The following AKAP13 variants were observed in gnomAD, a reference collection of about 807,000 sequenced individuals.
AKAP13 encodes the protein A-kinase anchor protein 13.
A neutral mutation model predicts 264.5 loss-of-function variants in AKAP13; 80 were observed. That is an observed-to-expected ratio of 0.30 (90% CI 0.25 to 0.36). The LOEUF (loss-of-function observed/expected upper bound fraction) is 0.36, where lower values mean the gene tolerates loss of function less well. Ranked by LOEUF, AKAP13 falls within the 10% of genes least tolerant of loss-of-function variation. The pLI is 1.00. For synonymous variants in AKAP13, 1,380 were observed against 1,250.2 expected (o/e 1.10, Z -2.19); for missense variants, 3,712 against 3,435.2 (o/e 1.08, Z -2.01).
At chr15:85,451,367 T>C (rs1489565821) in intron 1 of AKAP13, among the ~76,000 whole-genome samples, 1 of 152,212 alleles carries the variant, frequency 6.6e-6, no homozygotes, top group Non-Finnish European at 1.5e-5. Flanking sequence ...TTAGCCTGTT[T>C]ACATTCAAGA....
At chr15:85,631,500 T>TCACACACACACACACACA (rs1189326372) in intron 8 of AKAP13, among the ~76,000 whole-genome samples, 1 of 80,158 alleles carries the variant, frequency 1.2e-5, no homozygotes, top group Admixed American at 1.3e-4. Flanking sequence ...TCTCTCTCTC[T>TCACACACACACACACACA]CTCACACACA....
intron 8 of AKAP13, among the ~76,000 whole-genome samples, chr15:85,593,785 C>G (rs1454962942): frequency 6.2e-5 from 6 of 97,246 alleles, no homozygotes; most frequent in Non-Finnish European, 9.5e-5. Context: ...CTACTACTTA[C>G]ACTCATTTCT....
chr15:85,557,974 A>G (rs1023956257), intron 5 of AKAP13, among the ~76,000 whole-genome samples: 1 of 152,208 alleles, frequency 6.6e-6, no homozygotes, highest in East Asian at 1.9e-4. Flanking sequence ...CAATGGGTCT[A>G]TAGCTTATAC....
intron 7 of AKAP13, among the ~76,000 whole-genome samples, chr15:85,584,434 G>T (rs1396669187): frequency 6.6e-6 from 1 of 152,126 alleles, no homozygotes; most frequent in East Asian, 1.9e-4. Flanking sequence ...CACATCCCCA[G>T]AGGAAAGCAA....
At chr15:85,458,541 T>C (rs1160011906) in intron 1 of AKAP13, among the ~76,000 whole-genome samples, 1 of 151,972 alleles carries the variant, frequency 6.6e-6, no homozygotes, top group East Asian at 1.9e-4. Flanking sequence ...CCTAATGTTA[T>C]ATAGATTATT....
rs2087476303 is a variant in AKAP13, at chr15:85,724,366, G to A, written c.6745+1046G>A. Among the ~76,000 whole-genome samples, 1 of 152,164 alleles carries A rather than the reference G, an allele frequency of 6.6e-6. No homozygotes were observed. The highest frequency in any genetic ancestry group is 2.4e-5 in the African/African-American group (1 of 41,422). On this transcript the variant is annotated intron_variant, in intron 26 of 36. Coordinates refer to ENST00000394518, the MANE Select transcript of AKAP13 (RefSeq NM_007200.5). This position sits in a 1 kb window ranked among gnomAD's most constrained non-coding sequence, Gnocchi z 4.2. ...CAGTGTGGTGAGTGCTGGAATGGAG[G>A]AGAAAGCAAGAGGAATAGCAATAGA...
At chr15:85,639,254 T>C (rs2082198716) in intron 8 of AKAP13, 120 bp from the exon 9 acceptor site, 2 of 681,016 alleles carry the variant, frequency 2.9e-6, no homozygotes, top group African/African-American at 1.8e-5. Flanking sequence ...GACATAAGTT[T>C]GCTCACCCTG....
At chr15:85,398,757 T>C (rs553545399) in intron 1 of AKAP13, among the ~76,000 whole-genome samples, 1 of 152,318 alleles carries the variant, frequency 6.6e-6, no homozygotes, top group African/African-American at 2.4e-5. Flanking sequence ...GGTTTCACCA[T>C]GTTGGCCAGG....
At chr15:85,424,069 T>A (rs2072651781) in intron 1 of AKAP13, among the ~76,000 whole-genome samples, 1 of 152,208 alleles carries the variant, frequency 6.6e-6, no homozygotes, top group South Asian at 2.1e-4. Flanking sequence ...CTTAGCATAA[T>A]TCTTATGGGC....
chr15:85,594,696 C>G (rs2079732063), intron 8 of AKAP13, among the ~76,000 whole-genome samples: 1 of 152,042 alleles, frequency 6.6e-6, no homozygotes, highest in African/African-American at 2.4e-5. Flanking sequence ...GAGAAAGTTT[C>G]CATAGTAGAA....
intron 8 of AKAP13, among the ~76,000 whole-genome samples, chr15:85,612,825 C>T (rs1021113663): frequency 7.3e-5 from 3 of 41,368 alleles, no homozygotes; most frequent in Non-Finnish European, 5.9e-5. Context: ...CCCTGTCTCA[C>T]AAAAAAAAAA....
intron 33 of AKAP13, 140 bp downstream of exon 33, chr15:85,736,274 A>G (rs2088494236): frequency 1.5e-6 from 1 of 675,892 alleles, no homozygotes; most frequent in Non-Finnish European, 2.5e-6. Flanking sequence ...TGTGTAAACA[A>G]TACAGTTGTC....
chr15:85,560,986 C>T (rs906636336), intron 5 of AKAP13, among the ~76,000 whole-genome samples: 1 of 151,666 alleles, frequency 6.6e-6, no homozygotes, highest in Admixed American at 6.6e-5. Context: ...AAAAAACACT[C>T]ATGCCTGAGG....
intron 8 of AKAP13, among the ~76,000 whole-genome samples, chr15:85,613,713 TTAG>T (rs2080808079): frequency 9.0e-6 from 1 of 110,986 alleles, no homozygotes; most frequent in East Asian, 3.4e-4. Flanking sequence ...TATATATATA[TTAG>T]GAGTGCTGAT....
intron 3 of AKAP13, among the ~76,000 whole-genome samples, chr15:85,522,919 C>T (rs1181246449): frequency 1.5e-5 from 2 of 131,490 alleles, no homozygotes; most frequent in East Asian, 5.2e-4. Context: ...CCCCCCCACC[C>T]CCACCCACAC....
chr15:85,672,837 A>G (rs1433553943), intron 14 of AKAP13, among the ~76,000 whole-genome samples: 4 of 152,238 alleles, frequency 2.6e-5, no homozygotes, highest in Non-Finnish European at 2.9e-5. Context: ...CACAATAACC[A>G]GAACAGTGCC....
chr15:85,557,343 GA>G (rs1220879492), intron 5 of AKAP13, among the ~76,000 whole-genome samples: 1 of 152,134 alleles, frequency 6.6e-6, no homozygotes, highest in Non-Finnish European at 1.5e-5. Context: ...CTGAAAAACT[GA>G]ATACAGCTTT....
rs1450202400 is a variant in AKAP13, at chr15:85,595,633, C to T, written c.4161+9810C>T. Among the ~76,000 whole-genome samples the T allele has an allele frequency of 2.0e-5, 3 of 152,152 alleles. 1 individual carries two copies. Among genetic ancestry groups the T allele is most frequent in the Non-Finnish European group, 1.5e-5 (1 of 68,022 alleles). On this transcript the variant is annotated intron_variant, in intron 8 of 36. Coordinates refer to ENST00000394518, the MANE Select transcript of AKAP13 (RefSeq NM_007200.5). The stretch of plus-strand genomic sequence containing the variant: ...TTTCCTTGGTGAGACCCATGTTGTA[C>T]CACAGGTGGTATCAATAGTCTATTG...
At chr15:85,704,750 T>C (rs1159249521) in intron 17 of AKAP13, among the ~76,000 whole-genome samples, 1 of 152,186 alleles carries the variant, frequency 6.6e-6, no homozygotes, top group Admixed American at 6.5e-5. Flanking sequence ...CATAACAACA[T>C]GGTATGGTTT....
Sources: allele counts gnomAD v4.1 joint callset (sites outside exome capture counted in the v4.1 genomes callset), GRCh38; gene constraint gnomAD v4.1.1; non-coding constraint Gnocchi (gnomAD v3.1); transcripts MANE v1.5; gene names NCBI Gene and HGNC (gene_info 2026-07-23, HGNC 2026-07-21).